Variants in SATB1 observed in about 807,000 individuals in gnomAD.
SATB1 encodes the protein DNA-binding protein SATB1.
Under a neutral mutation model 86.9 loss-of-function variants are expected in SATB1, and 11 were observed. The ratio of observed to expected loss-of-function variants is 0.13; its 90% CI spans 0.08 to 0.21. The LOEUF is 0.21. Among genes scored for constraint, SATB1 ranks in the 10% least tolerant of loss-of-function variants. SATB1 has a pLI of 1.00. For missense variants in SATB1, 551 were observed against 937.6 expected, an observed-to-expected ratio of 0.59 and a Z score of 5.39; for synonymous variants, 357 against 357.2, an observed-to-expected ratio of 1.00 and a Z score of 0.01.
At chr3:18,432,066 A>G (rs2125195969) in intron 2 of SATB1, among the ~76,000 whole-genome samples, 1 of 152,236 alleles carries the variant, frequency 6.6e-6, no homozygotes, top group Admixed American at 6.5e-5. Flanking sequence ...TTTCAATATA[A>G]CATGATTTTT....
chr3:18,345,706 A>T lies in SATB1; in HGVS notation c.*3464T>A, dbSNP rs1694018427. Reference sequence around the variant, plus strand: ...TTGGACCTCCATTGGTTTCCACACTATCATGCAAATTTCCAACTTGCTTTA... The same window carrying T: ...TTGGACCTCCATTGGTTTCCACACTTTCATGCAAATTTCCAACTTGCTTTA... On this transcript the variant is annotated 3_prime_UTR_variant, in exon 11 of 11. Coordinates refer to ENST00000338745, the MANE Select transcript of SATB1 (RefSeq NM_002971.6). 1 of 152,140 alleles carries T rather than the reference A, an allele frequency of 6.6e-6. No homozygotes were observed. Among genetic ancestry groups the T allele is most frequent in the African/African-American group, 2.4e-5 (1 of 41,444 alleles). 9.4% of individuals were successfully genotyped at this position (152,140 alleles called of 1,614,324 possible). A position where few individuals can be genotyped will look rare whatever the true frequency, so the allele number is the denominator to read the frequency against.
upstream of SATB1, among the ~76,000 whole-genome samples, chr3:18,427,790 G>A (rs1462571584): frequency 1.3e-5 from 2 of 152,216 alleles, no homozygotes; most frequent in South Asian, 2.1e-4. Flanking sequence ...CAGAATAAAT[G>A]AGCATAAAGG....
intron 5 of SATB1, among the ~76,000 whole-genome samples, chr3:18,404,251 T>C (rs112730644): frequency 4.6e-5 from 7 of 152,188 alleles, no homozygotes; most frequent in African/African-American, 1.7e-4. Flanking sequence ...TGTTTGTGCT[T>C]GTCAGCTTCT....
intron 9 of SATB1, among the ~76,000 whole-genome samples, chr3:18,355,600 T>TG (rs1694591179): frequency 6.6e-6 from 1 of 151,892 alleles, no homozygotes; most frequent in African/African-American, 2.4e-5. Context: ...TAGACTTATG[T>TG]GGGGGAGCAG....
At chr3:18,412,696 C>A (rs1483969330) in intron 5 of SATB1, among the ~76,000 whole-genome samples, 2 of 151,976 alleles carry the variant, frequency 1.3e-5, no homozygotes, top group Admixed American at 6.6e-5. Context: ...ATCTTCATCA[C>A]CAAATCTTAA....
chr3:18,398,074 C>G (rs1215190703), intron 5 of SATB1, among the ~76,000 whole-genome samples: 1 of 152,136 alleles, frequency 6.6e-6, no homozygotes, highest in Admixed American at 6.6e-5. Flanking sequence ...TTCTAAATTT[C>G]TCAAGGATAC....
chr3:18,378,404 T>A (rs759078576), intron 8 of SATB1, 79 bp from the exon 9 acceptor site: 2 of 1,347,706 alleles, frequency 1.5e-6, no homozygotes, highest in Non-Finnish European at 2.1e-6. Context: ...GCATCCAAAC[T>A]GGACACTGTT....
chr3:18,443,696 A>T lies in SATB1; in HGVS notation c.-25+1822T>A, dbSNP rs1214247920. ...TCGTCCTTCTCGTCGTGGTTTCCCA[A>T]ACCCCGGTTCTGCCGGCCCGGGAGC... On this transcript the variant is annotated intron_variant, in intron 1 of 3. Transcript: ENST00000415069. This position sits in a 1 kb window ranked among gnomAD's most constrained non-coding sequence, Gnocchi z 4.4. Among the ~76,000 whole-genome samples, 1 of 152,108 alleles carries T rather than the reference A, an allele frequency of 6.6e-6. No homozygotes were observed. Among genetic ancestry groups the T allele is most frequent in the African/African-American group, 2.4e-5 (1 of 41,410 alleles).
chr3:18,411,602 A>G (rs1233215402), intron 5 of SATB1, among the ~76,000 whole-genome samples: 1 of 152,002 alleles, frequency 6.6e-6, no homozygotes, highest in Non-Finnish European at 1.5e-5. Context: ...CAAAAGTTTC[A>G]TGACTACAGG....
Position 18,347,486 on chromosome 3 carries a change from C to T in SATB1, c.*1684G>A, listed in dbSNP as rs1694115384. 1 of 149,604 alleles carries T rather than the reference C, an allele frequency of 6.7e-6. No individual in the cohort carries two copies. The highest frequency in any genetic ancestry group is 6.6e-5 in the Admixed American group (1 of 15,102). The allele number at this position is 149,604 out of a possible 1,614,324, so 9.3% of individuals were successfully genotyped here. On this transcript the variant is annotated 3_prime_UTR_variant, in exon 11 of 11. Transcript: ENST00000338745. ...AGTTATTAACTTATTCCACTTATAA[C>T]TTGTGAAAAAAAAAAGCTAAGGGGT...
At position 18,396,400 on chromosome 3, in the gene SATB1, G is replaced by A. The variant is rs542462869; in HGVS notation, c.751+779C>T. Among the ~76,000 whole-genome samples, 10 of 152,232 alleles carry A rather than the reference G, an allele frequency of 6.6e-5. No individual in the cohort carries two copies. The South Asian group carries it at 1.5e-3, about 22-fold the overall frequency. On this transcript the variant is annotated intron_variant, in intron 6 of 10. Coordinates refer to ENST00000338745, the MANE Select transcript of SATB1 (RefSeq NM_002971.6). ...TATGTTTTGGAGGGTAAAAGTAGGT[G>A]AAAGAGAACAGTAATAAAAATTAAA...
intron 9 of SATB1, among the ~76,000 whole-genome samples, chr3:18,360,382 C>T (rs928473322): frequency 1.3e-5 from 2 of 152,166 alleles, no homozygotes; most frequent in African/African-American, 4.8e-5. Context: ...AGTTCACCCT[C>T]TCAGGGGCTG....
intron 8 of SATB1, among the ~76,000 whole-genome samples, chr3:18,380,423 AAC>A (rs1479586085): frequency 2.0e-5 from 3 of 151,528 alleles, no homozygotes; most frequent in African/African-American, 7.3e-5. Flanking sequence ...TGTTTCTAAA[AAC>A]TTCTTTGGTT....
intron 5 of SATB1, chr3:18,409,592 A>G (rs1288606479): frequency 6.6e-6 from 1 of 152,060 alleles, no homozygotes; most frequent in Admixed American, 6.6e-5. Context: ...AATTGCTGAA[A>G]AGTGGTCATA....
At chr3:18,419,594 C>CT (rs1330109544) in intron 2 of SATB1, among the ~76,000 whole-genome samples, 8 of 152,114 alleles carry the variant, frequency 5.3e-5, no homozygotes, top group African/African-American at 1.7e-4. Context: ...GTCAGAAAGT[C>CT]TTTTTTATAC....
chr3:18,348,954 A>G lies in SATB1; in HGVS notation c.*216T>C. 1 of 699,022 alleles carries G rather than the reference A, an allele frequency of 1.4e-6. No individual in the cohort carries two copies. Among genetic ancestry groups the G allele is most frequent in the South Asian group, 2.1e-5 (1 of 47,600 alleles). The allele number at this position is 699,022 out of a possible 1,614,324, so 43.3% of individuals were successfully genotyped here. A position where few individuals can be genotyped will look rare whatever the true frequency, so the allele number is the denominator to read the frequency against. ...AAATTTTAATACCAAACAATCCTTG[A>G]TGCTTCACCTGGGGCTGCCAAGCAG... On this transcript the variant is annotated 3_prime_UTR_variant, in exon 11 of 11. Coordinates refer to ENST00000338745, the MANE Select transcript of SATB1 (RefSeq NM_002971.6).
upstream of SATB1, among the ~76,000 whole-genome samples, chr3:18,427,440 A>G (rs1190956716): frequency 2.6e-5 from 4 of 152,214 alleles, no homozygotes; most frequent in Non-Finnish European, 5.9e-5. Context: ...CTCAAGCTGA[A>G]TGTTTTTTAT....
intron 8 of SATB1, among the ~76,000 whole-genome samples, chr3:18,379,793 G>C (rs1575114623): frequency 6.6e-6 from 1 of 152,266 alleles, no homozygotes; most frequent in South Asian, 2.1e-4. Flanking sequence ...GATAATGCTG[G>C]GAAATAGTTG....
At chr3:18,370,183 G>C (rs551721292) in intron 9 of SATB1, among the ~76,000 whole-genome samples, 4 of 152,244 alleles carry the variant, frequency 2.6e-5, no homozygotes, top group African/African-American at 9.6e-5. Context: ...CTGCCAGAGA[G>C]GAGGAAATAA....
Sources: gnomAD v4.1 joint callset for allele counts (sites outside exome capture counted in the v4.1 genomes callset) on GRCh38, gnomAD v4.1.1 for gene constraint, Gnocchi (gnomAD v3.1) non-coding constraint, MANE v1.5 for transcripts, NCBI Gene and HGNC (gene_info 2026-07-23, HGNC 2026-07-21) for gene names.